Variants in RNPEPL1 observed in about 807,000 individuals in gnomAD.
RNPEPL1 encodes the protein arginyl aminopeptidase like 1, also known as aminopeptidase RNPEPL1.
In RNPEPL1, 46 loss-of-function variants were observed where a neutral mutation model predicts 69.0. That is an observed-to-expected ratio of 0.67 (90% CI 0.53 to 0.85). The LOEUF (loss-of-function observed/expected upper bound fraction) is 0.85. RNPEPL1 is among the 40% of genes least tolerant of loss of function. The pLI is 0.00. For synonymous variants in RNPEPL1, 525 were observed against 454.1 expected (o/e 1.16, Z -1.98); for missense variants, 869 against 992.5 (o/e 0.88, Z 1.67).
intron 2 of RNPEPL1, 69 bp from the exon 3 acceptor site, chr2:240,573,041 G>A (rs2093026459): frequency 1.7e-5 from 25 of 1,472,868 alleles, no homozygotes; most frequent in Non-Finnish European, 2.3e-5. Context: ...CTGCCTGACA[G>A]GCTCCCCGGC....
chr2:240,575,226 C>T, intron 7 of RNPEPL1, 84 bp downstream of exon 7: 1 of 1,122,472 alleles, frequency 8.9e-7, no homozygotes, highest in Non-Finnish European at 1.3e-6. Flanking sequence ...GCTCTTGCGG[C>T]AGTTGGGGTG....
chr2:240,569,362 G>A (rs1261004822), intron 1 of RNPEPL1, among the ~76,000 whole-genome samples: 1 of 152,242 alleles, frequency 6.6e-6, no homozygotes, highest in Non-Finnish European at 1.5e-5. Flanking sequence ...GTCCCTGCCT[G>A]GGGACATGAG....
In RNPEPL1 at chr2:240,568,639, TCCGCCCGCCGCCCGAGCCG is replaced by T; in HGVS notation, c.63_81del (p.Pro22TrpfsTer157). ...GCGCCCGGCGCCGAGGCCGCGCCCG[TCCGCCCGCCGCCCGAGCCG>T]CCGCCCGCCCTGGACGTGGCCTCGG... On this transcript the variant is annotated frameshift_variant, in exon 1 of 11. Transcript: ENST00000270357. LOFTEE classifies it high-confidence loss of function. The surrounding 1 kb of genome is among the most constrained non-coding windows in gnomAD (Gnocchi z 6.2). The T allele has an allele frequency of 1.0e-6, 1 of 998,440 alleles. No individual in the cohort carries two copies. Among genetic ancestry groups the T allele is most frequent in the Non-Finnish European group, 1.2e-6 (1 of 843,778 alleles). 61.8% of individuals were successfully genotyped at this position (998,440 alleles called of 1,614,324 possible). A position where few individuals can be genotyped will look rare whatever the true frequency, so the allele number is the denominator to read the frequency against.
Position 240,572,574 on chromosome 2 carries a change from G to A in RNPEPL1, c.669+11G>A, listed in dbSNP as rs1442408250. 6.5e-6 allele frequency: 10 copies of A among 1,535,702 alleles called. No homozygotes were observed. The highest frequency in any genetic ancestry group is 2.7e-5 in the African/African-American group (2 of 73,040). On this transcript the variant is annotated intron_variant, in intron 2 of 10. Coordinates refer to ENST00000270357, the MANE Select transcript of RNPEPL1 (RefSeq NM_018226.6). ...TCTGCCGTCGTCAAGGTCAGGGGCCGCCAGCTGCCGTCACCTTGCTCCCAG... is the reference window on the plus strand; with the variant it reads ...TCTGCCGTCGTCAAGGTCAGGGGCCACCAGCTGCCGTCACCTTGCTCCCAG...
chr2:240,569,167 G>A, intron 1 of RNPEPL1, 53 bp downstream of exon 1: 3 of 1,371,214 alleles, frequency 2.2e-6, no homozygotes, highest in Non-Finnish European at 2.8e-6. Context: ...GGCGCTGCTA[G>A]CGGCCTCTCG....
At chr2:240,575,643 GC>G in intron 8 of RNPEPL1, 33 bp downstream of exon 8, 5 of 1,577,562 alleles carry the variant, frequency 3.2e-6, no homozygotes, top group Non-Finnish European at 4.4e-6. Context: ...CAGCCAGGGA[GC>G]CGTGGGTATG....
At position 240,574,325 on chromosome 2, in the gene RNPEPL1, G is replaced by A. The variant is rs1269709556; in HGVS notation, c.1151G>A (p.Arg384His). 7.5e-6 allele frequency: 12 copies of A among 1,600,068 alleles called. No homozygotes were observed. The highest frequency in any genetic ancestry group is 2.2e-5 in the East Asian group (1 of 44,684). The change falls in exon 5 of 11, where the codon CGC (arginine) becomes CAC (histidine). Residue 384 changes from arginine (R) to histidine (H), a missense_variant. Arg to His is a conservative substitution (Grantham distance 29). Coordinates refer to ENST00000270357, the MANE Select transcript of RNPEPL1 (RefSeq NM_018226.6). ...LSEGLATYAQ[R>H]RITTETYGAA... ...GAGGGCCTGGCCACCTATGCCCAGC[G>A]CCGTATCACCACCGAGACCTACGGT...
In RNPEPL1 at chr2:240,578,284, T is replaced by C. The variant is rs184042003; in HGVS notation, c.*392T>C. On this transcript the variant is annotated 3_prime_UTR_variant, in exon 11 of 11. Coordinates refer to ENST00000270357, the MANE Select transcript of RNPEPL1 (RefSeq NM_018226.6). ...TGTCTGCCGGGGGCCCAGGCTGTGC[T>C]GTCCCTGCAGCACGCCTCCTTGCAG... The C allele has an allele frequency of 1.7e-3, 294 of 171,650 alleles. 3 individuals are homozygous for C. The highest frequency in any genetic ancestry group is 2.8e-3 in the Non-Finnish European group (230 of 81,030). The allele number at this position is 171,650 out of a possible 1,614,324, so 10.6% of individuals were successfully genotyped here.
chr2:240,578,222 C>T lies in RNPEPL1; in HGVS notation c.*330C>T, dbSNP rs2093043551. The T allele has an allele frequency of 3.9e-6, 1 of 253,268 alleles. No homozygotes were observed. The highest frequency in any genetic ancestry group is 7.6e-6 in the Non-Finnish European group (1 of 131,498). The allele number at this position is 253,268 out of a possible 1,614,324, so 15.7% of individuals were successfully genotyped here. The stretch of plus-strand genomic sequence containing the variant: ...CAGGTGCCGCCCCGGGGCAAGGGCC[C>T]CAGCAGCCCTATGGTGACCGCCACA... On this transcript the variant is annotated 3_prime_UTR_variant, in exon 11 of 11. Transcript: ENST00000270357.
chr2:240,575,653 T>C, intron 8 of RNPEPL1, 43 bp downstream of exon 8: 2 of 1,534,192 alleles, frequency 1.3e-6, no homozygotes. Context: ...GCCGTGGGTA[T>C]GATGGCAGGC....
chr2:240,568,536 CCGCGGCCCGG>C lies in RNPEPL1; in HGVS notation c.-43_-34del. 1 of 885,452 alleles carries C rather than the reference CCGCGGCCCGG, an allele frequency of 1.1e-6. No homozygotes were observed. The highest frequency in any genetic ancestry group is 1.3e-6 in the Non-Finnish European group (1 of 742,864). The allele number at this position is 885,452 out of a possible 1,614,324, so 54.8% of individuals were successfully genotyped here. ...GCCGCCGCCGCCCGGCGCCCCTCGC[CCGCGGCCCGG>C]CGCGGCCGCCGCCCATGGATTTCAC... On this transcript the variant is annotated 5_prime_UTR_variant, in exon 1 of 11. Transcript: ENST00000270357. The surrounding 1 kb of genome is among the most constrained non-coding windows in gnomAD (Gnocchi z 6.2).
Position 240,568,811 on chromosome 2 carries a change from C to G in RNPEPL1, c.225C>G (p.Leu75=). ...LCALRPAPRA[L]VLDAHPALRL... ...CGCTGCGGCCCGCGCCCCGCGCGCT[C>G]GTGCTCGACGCGCACCCGGCTCTGC... Residue 75 remains leucine (L), a synonymous_variant, in exon 1 of 11, where the codon CTC becomes CTG. Coordinates refer to ENST00000270357, the MANE Select transcript of RNPEPL1 (RefSeq NM_018226.6). This position sits in a 1 kb window ranked among gnomAD's most constrained non-coding sequence, Gnocchi z 6.2. 1 of 1,104,166 alleles carries G rather than the reference C, an allele frequency of 9.1e-7. No homozygotes were observed. Among genetic ancestry groups the G allele is most frequent in the Non-Finnish European group, 1.1e-6 (1 of 905,610 alleles). 68.4% of individuals were successfully genotyped at this position (1,104,166 alleles called of 1,614,324 possible). A position where few individuals can be genotyped will look rare whatever the true frequency, so the allele number is the denominator to read the frequency against.
chr2:240,576,220 A>G, intron 8 of RNPEPL1: 1 of 446,092 alleles, frequency 2.2e-6, no homozygotes. Context: ...TTCATGGCGC[A>G]GGTGGCCTCC....
At position 240,580,856 on chromosome 2, in the gene RNPEPL1, T is replaced by G. The variant is rs1473503554; in HGVS notation, c.*2964T>G. 6.6e-6 allele frequency: 1 copy of G among 152,122 alleles called. No individual in the cohort carries two copies. Among genetic ancestry groups the G allele is most frequent in the African/African-American group, 2.4e-5 (1 of 41,432 alleles). The allele number at this position is 152,122 out of a possible 1,614,324, so 9.4% of individuals were successfully genotyped here. On this transcript the variant is annotated 3_prime_UTR_variant, in exon 11 of 11. Transcript: ENST00000270357. ...GATGAAAGACTGGTTTCTACAGAGA[T>G]AGATTAGAAAGCTGAAGCCTGAAAA...
chr2:240,574,170 C>T lies in RNPEPL1; in HGVS notation c.996C>T (p.Cys332=). The change falls in exon 5 of 11, where the codon TGC becomes TGT. Residue 332 remains cysteine (C), a synonymous_variant. Coordinates refer to ENST00000270357, the MANE Select transcript of RNPEPL1 (RefSeq NM_018226.6). The part of the protein sequence containing the change: ...SFPIVAMENP[C]LTFIISSILE... ...CCATCGTGGCCATGGAGAACCCCTG[C>T]CTCACCTTCATCATCTCCTCCATCC... 6.2e-7 allele frequency: 1 copy of T among 1,613,502 alleles called. No homozygotes were observed. The highest frequency in any genetic ancestry group is 8.5e-7 in the Non-Finnish European group (1 of 1,179,916).
chr2:240,576,376 G>A (rs1264215911), intron 8 of RNPEPL1, 159 bp from the exon 9 acceptor site: 3 of 651,356 alleles, frequency 4.6e-6, no homozygotes, highest in African/African-American at 3.6e-5. Flanking sequence ...TCAAGTGGCA[G>A]TGCTGGCTGG....
chr2:240,572,331 A>C (rs2093024111), intron 1 of RNPEPL1, 92 bp from the exon 2 acceptor site: 1 of 1,425,208 alleles, frequency 7.0e-7, no homozygotes, highest in South Asian at 1.3e-5. Context: ...CCCCTCCCAG[A>C]GCCTCCTGCC....
intron 3 of RNPEPL1, 30 bp downstream of exon 3, chr2:240,573,291 C>T (rs2093027641): frequency 1.3e-6 from 2 of 1,540,426 alleles, no homozygotes; most frequent in Admixed American, 2.0e-5. Flanking sequence ...CCTTCTGGGG[C>T]TGCGCAGGCC....
chr2:240,577,849 C>T lies in RNPEPL1; in HGVS notation c.2135C>T (p.Pro712Leu). 1.3e-6 allele frequency: 2 copies of T among 1,584,118 alleles called. No homozygotes were observed. Among genetic ancestry groups the T allele is most frequent in the Non-Finnish European group, 1.7e-6 (2 of 1,160,682 alleles). ...GCCCTGCTGCTTGGGGACGAGGCCC[C>T]CAGCAGTGCCATCTCTCTCAGGGAC... ...AQALLLGDEA[P>L]SSAISLRDVN... is the part of the protein sequence containing the mutation. The change falls in exon 11 of 11, where the codon CCC becomes CTC. Residue 712 changes from proline (P) to leucine (L), a missense_variant. Physicochemically the swap from Pro to Leu is moderately conservative, Grantham distance 98. This residue lies in a region of RNPEPL1 where 610 missense variants were observed against 790.9 expected (regional missense o/e 0.77). Transcript: ENST00000270357.
Sources: gnomAD v4.1 joint callset for allele counts (sites outside exome capture counted in the v4.1 genomes callset) on GRCh38, gnomAD v4.1.1 for gene constraint, gnomAD v4.1.1 regional missense constraint, Gnocchi (gnomAD v3.1) non-coding constraint, MANE v1.5 for transcripts, NCBI Gene and HGNC (gene_info 2026-07-23, HGNC 2026-07-21) for gene names.